PSD2: variants seen among roughly 807,000 people sequenced by gnomAD.
PSD2 encodes PH and SEC7 domain-containing protein 2.
PSD2 carries 38 observed loss-of-function variants against 69.8 expected under a neutral mutation model. The observed-to-expected ratio is 0.54, with a 90% CI of 0.42 to 0.71. The LOEUF is 0.71. Ranked by LOEUF, PSD2 falls within the 30% of genes least tolerant of loss-of-function variation. PSD2 has a pLI of 0.00. For missense variants in PSD2, 943 were observed against 1,014.5 expected (o/e 0.93, Z 0.96); for synonymous variants, 412 against 423.0 (o/e 0.97, Z 0.32).
chr5:139,775,822 C>A, the PSD2 span, among the ~76,000 whole-genome samples: 1 of 152,226 alleles, frequency 6.6e-6, no homozygotes, highest in African/African-American at 2.4e-5. Flanking sequence ...GCATGCGCCA[C>A]CACGCCCTGC....
At position 139,837,247 on chromosome 5, in the gene PSD2, C is replaced by T; in HGVS notation, c.1665+9C>T. The T allele has an allele frequency of 6.2e-7, 1 of 1,613,576 alleles. No individual in the cohort carries two copies. The highest frequency in any genetic ancestry group is 8.5e-7 in the Non-Finnish European group (1 of 1,179,542). Reference sequence around the variant, plus strand: ...TCCTGTACCTGCAGAAGGTGAGAGACTGCCCCAGAGACCTTACTCAGAAAG... The same window carrying T: ...TCCTGTACCTGCAGAAGGTGAGAGATTGCCCCAGAGACCTTACTCAGAAAG... On this transcript the variant is annotated intron_variant, in intron 11 of 14. Transcript: ENST00000274710. This position sits in a 1 kb window ranked among gnomAD's most constrained non-coding sequence, Gnocchi z 5.0.
intron 2 of PSD2, among the ~76,000 whole-genome samples, chr5:139,810,819 T>C (rs996572479): frequency 1.3e-4 from 20 of 152,038 alleles, no homozygotes; most frequent in Admixed American, 1.0e-3. Context: ...GACTGGGGCT[T>C]CTTAGAGCAC....
At position 139,843,234 on chromosome 5, in the gene PSD2, G is replaced by C. The variant is rs1302124622; in HGVS notation, c.*760G>C. On this transcript the variant is annotated 3_prime_UTR_variant, in exon 15 of 15. Transcript: ENST00000274710. ...ATTTTGGAGCTTCCCCTGTTAGGAA[G>C]GATGGCTGCACCTGGCCCCCTGGCA... The C allele has an allele frequency of 1.3e-5, 2 of 152,384 alleles. No individual in the cohort carries two copies. Among genetic ancestry groups the C allele is most frequent in the Non-Finnish European group, 2.9e-5 (2 of 68,040 alleles). The allele number at this position is 152,384 out of a possible 1,614,324, so 9.4% of individuals were successfully genotyped here.
chr5:139,804,952 C>T lies in PSD2; in HGVS notation c.-50-4439C>T, dbSNP rs905261083. 8.1e-5 allele frequency among the ~76,000 whole-genome samples: 12 copies of T among 148,440 alleles called. No homozygotes were observed. The South Asian group carries it at 1.3e-3, about 16-fold the overall frequency. ...GTGTGTGCATGTGTCTGCACGTGTG[C>T]GTGTGTATGTGTGCGTGTGTGCGTG... On this transcript the variant is annotated intron_variant, in intron 1 of 14. Transcript: ENST00000274710.
intron 2 of PSD2, 40 bp from the exon 3 acceptor site, chr5:139,813,269 C>G: frequency 6.7e-7 from 1 of 1,494,352 alleles, no homozygotes; most frequent in South Asian, 1.3e-5. Flanking sequence ...GTATGGGGGA[C>G]AGCTTGGCAG....
Position 139,813,333 on chromosome 5 carries a change from T to A in PSD2, c.396T>A (p.Asp132Glu). ...GGTTGGATGGTCCCGGGGAGCCAGA[T>A]GTGCGGGATGGCTTCAGCGCCACGT... ...QLGLDGPGEPDVRDGFSATFE... is the reference protein window; with the variant it reads ...QLGLDGPGEPEVRDGFSATFE... Residue 132 changes from aspartate to glutamate, a missense_variant, in exon 3 of 15, where the codon GAT becomes GAA. Physicochemically the swap from Asp to Glu is conservative, Grantham distance 45 (BLOSUM62 2). Around this residue, in one of 3 missense-constraint regions of PSD2, gnomAD observed 466 missense variants for 445.0 expected, o/e 1.05. Transcript: ENST00000274710. 6.4e-7 allele frequency: 1 copy of A among 1,563,086 alleles called. No individual in the cohort carries two copies. The highest frequency in any genetic ancestry group is 8.7e-7 in the Non-Finnish European group (1 of 1,148,580).
the PSD2 span, among the ~76,000 whole-genome samples, chr5:139,769,532 G>A: frequency 6.6e-6 from 1 of 152,088 alleles, no homozygotes; most frequent in African/African-American, 2.4e-5. Context: ...TCATTATAAA[G>A]ACTTCTCCCC....
At chr5:139,832,678 T>G (rs1452485393) in intron 7 of PSD2, among the ~76,000 whole-genome samples, 3 of 152,248 alleles carry the variant, frequency 2.0e-5, no homozygotes, top group Admixed American at 6.5e-5. Flanking sequence ...CAGAGTTCTG[T>G]AGGTAAACCT....
At chr5:139,792,637 G>C (rs1257724860), upstream of PSD2, among the ~76,000 whole-genome samples, 1 of 152,178 alleles carries the variant, frequency 6.6e-6, no homozygotes, top group East Asian at 1.9e-4. Context: ...TCTTTCCCTT[G>C]AGGAATGGGG....
intron 1 of PSD2, among the ~76,000 whole-genome samples, chr5:139,806,774 G>T (rs1214961658): frequency 6.6e-6 from 1 of 152,128 alleles, no homozygotes; most frequent in East Asian, 1.9e-4. Flanking sequence ...TCCCCTTTAT[G>T]CAGCCCTTGC....
At position 139,809,830 on chromosome 5, in the gene PSD2, A is replaced by G. The variant is rs764076256; in HGVS notation, c.371+19A>G. The G allele has an allele frequency of 1.2e-6, 2 of 1,612,386 alleles. No individual in the cohort carries two copies. Among genetic ancestry groups the G allele is most frequent in the African/African-American group, 1.3e-5 (1 of 74,928 alleles). Reference sequence around the variant, plus strand: ...AGCTGGGGTGAGTGGATGTCTTGGGATGGGAGCTCACCACATTTGGCTGTT... The same window carrying G: ...AGCTGGGGTGAGTGGATGTCTTGGGGTGGGAGCTCACCACATTTGGCTGTT... On this transcript the variant is annotated intron_variant, in intron 2 of 14. Transcript: ENST00000274710.
intron 5 of PSD2, among the ~76,000 whole-genome samples, chr5:139,820,280 G>A (rs776676700): frequency 3.9e-5 from 6 of 152,172 alleles, no homozygotes; most frequent in East Asian, 1.9e-4. Flanking sequence ...GACAGGCTAC[G>A]GTTTGAATGG....
intron 2 of PSD2, among the ~76,000 whole-genome samples, chr5:139,812,637 G>C (rs977945324): frequency 6.6e-6 from 1 of 152,194 alleles, no homozygotes; most frequent in Non-Finnish European, 1.5e-5. Flanking sequence ...GGAGCAGGAG[G>C]CCAGTGTGCT....
At chr5:139,828,946 C>A (rs1236729087) in intron 7 of PSD2, among the ~76,000 whole-genome samples, 3 of 148,766 alleles carry the variant, frequency 2.0e-5, no homozygotes, top group Non-Finnish European at 3.0e-5. Context: ...CTTTCCTCTG[C>A]TCGGAGACAG....
chr5:139,788,630 C>T, the PSD2 span, among the ~76,000 whole-genome samples: 1 of 152,188 alleles, frequency 6.6e-6, no homozygotes, highest in Non-Finnish European at 1.5e-5. Context: ...GGCCAGTTCC[C>T]GGGACTCTCC....
the PSD2 span, among the ~76,000 whole-genome samples, chr5:139,775,914 C>T: frequency 6.6e-6 from 1 of 152,228 alleles, no homozygotes; most frequent in Non-Finnish European, 1.5e-5. Context: ...GGTGATCCAC[C>T]TGCCTCGATC....
chr5:139,755,947 A>G, the PSD2 span, among the ~76,000 whole-genome samples: 1 of 152,190 alleles, frequency 6.6e-6, no homozygotes, highest in East Asian at 1.9e-4. Context: ...TGATGAAAAT[A>G]GACTATTAAA....
In PSD2 at chr5:139,844,433, A is replaced by G. The variant is rs568179270; in HGVS notation, c.*1959A>G. On this transcript the variant is annotated 3_prime_UTR_variant, in exon 15 of 15. Coordinates refer to ENST00000274710, the MANE Select transcript of PSD2 (RefSeq NM_032289.4). ...ACACAAAAATAGAAATTTAAAAAAG[A>G]TGAGATGAAAATAAATCTAAGTCAA... 14 of 152,420 alleles carry G rather than the reference A, an allele frequency of 9.2e-5. No individual in the cohort carries two copies. The highest frequency in any genetic ancestry group is 1.8e-4 in the Non-Finnish European group (12 of 68,056). 9.4% of individuals were successfully genotyped at this position (152,420 alleles called of 1,614,324 possible). A position where few individuals can be genotyped will look rare whatever the true frequency, so the allele number is the denominator to read the frequency against.
At position 139,809,615 on chromosome 5, in the gene PSD2, G is replaced by A. The variant is rs1467106617; in HGVS notation, c.175G>A (p.Glu59Lys). Residue 59 changes from glutamate (E) to lysine (K), a missense_variant, in exon 2 of 15, where the codon GAA (glutamate) becomes AAA (lysine). This residue lies in a region of PSD2 where 466 missense variants were observed against 445.0 expected (regional missense o/e 1.05). Transcript: ENST00000274710. ...ERRGTPADTE[E>K]PTKDPDVAFH... ...AAGGGGCACCCCAGCGGACACTGAG[G>A]AACCCACGAAGGACCCAGATGTGGC... 1 of 1,614,264 alleles carries A rather than the reference G, an allele frequency of 6.2e-7. No individual in the cohort carries two copies. The highest frequency in any genetic ancestry group is 1.3e-5 in the African/African-American group (1 of 75,072).
Sources: allele counts gnomAD v4.1 joint callset (sites outside exome capture counted in the v4.1 genomes callset), GRCh38; gene constraint gnomAD v4.1.1; regional missense constraint gnomAD v4.1.1; non-coding constraint Gnocchi (gnomAD v3.1); transcripts MANE v1.5; gene names NCBI Gene and HGNC (gene_info 2026-07-23, HGNC 2026-07-21).